The following CPED1 variants were observed in gnomAD, a reference collection of about 807,000 sequenced individuals.
The protein encoded by CPED1 is cadherin-like and PC-esterase domain-containing protein 1.
CPED1 carries 114 observed loss-of-function variants against 128.2 expected under a neutral mutation model. The observed-to-expected ratio is 0.89, with a 90% CI of 0.76 to 1.04. The LOEUF is 1.04. Ranked by LOEUF, CPED1 falls within the 50% of genes least tolerant of loss-of-function variation. CPED1 has a pLI of 0.00. For missense variants in CPED1, 1,211 were observed against 1,207.1 expected, an observed-to-expected ratio of 1.00 and a Z score of -0.05; for synonymous variants, 462 against 426.7, an observed-to-expected ratio of 1.08 and a Z score of -1.02.
At chr7:121,197,789 T>C (rs960651929) in intron 16 of CPED1, among the ~76,000 whole-genome samples, 5 of 152,094 alleles carry the variant, frequency 3.3e-5, no homozygotes, top group African/African-American at 1.2e-4. Context: ...AGGAGCTGGA[T>C]GTGCAGAGAT....
intron 11 of CPED1, 127 bp downstream of exon 11, chr7:121,128,613 A>G: frequency 5.0e-6 from 3 of 598,664 alleles, no homozygotes; most frequent in African/African-American, 1.9e-5. Flanking sequence ...TTTATAAGCT[A>G]CTTTGCTCTT....
At chr7:121,162,167 A>C (rs1721485972) in intron 16 of CPED1, among the ~76,000 whole-genome samples, 1 of 152,230 alleles carries the variant, frequency 6.6e-6, no homozygotes, top group Non-Finnish European at 1.5e-5. Flanking sequence ...GGCCAAGTGT[A>C]GGCAATAGGA....
chr7:121,188,434 CTT>C (rs1797054953), intron 16 of CPED1, among the ~76,000 whole-genome samples: 1 of 152,116 alleles, frequency 6.6e-6, no homozygotes, highest in Non-Finnish European at 1.5e-5. Flanking sequence ...AAATTACACT[CTT>C]TATTTTAAAA....
At chr7:121,003,635 G>C (rs1178662052) in intron 2 of CPED1, among the ~76,000 whole-genome samples, 1 of 152,024 alleles carries the variant, frequency 6.6e-6, no homozygotes, top group Non-Finnish European at 1.5e-5. Flanking sequence ...AATATGTGAG[G>C]TTTTGTTATG....
chr7:121,275,321 AC>A (rs1792309105), intron 22 of CPED1, among the ~76,000 whole-genome samples: 1 of 152,050 alleles, frequency 6.6e-6, no homozygotes, highest in Non-Finnish European at 1.5e-5. Context: ...ATTTTGACTA[AC>A]ATGTTCCTGC....
intron 16 of CPED1, among the ~76,000 whole-genome samples, chr7:121,229,547 A>G (rs1798091395): frequency 6.6e-6 from 1 of 152,018 alleles, no homozygotes; most frequent in Admixed American, 6.6e-5. Context: ...AACCATTAGA[A>G]ATCTCAAAAT....
chr7:121,023,657 A>G (rs1366829561), intron 3 of CPED1, among the ~76,000 whole-genome samples: 1 of 152,176 alleles, frequency 6.6e-6, no homozygotes, highest in Non-Finnish European at 1.5e-5. Flanking sequence ...GGAAGAGGTG[A>G]GAAACACCAG....
At chr7:121,218,092 C>G (rs1393432741) in intron 16 of CPED1, among the ~76,000 whole-genome samples, 1 of 151,066 alleles carries the variant, frequency 6.6e-6, no homozygotes, top group Non-Finnish European at 1.5e-5. Context: ...TCAGATGATT[C>G]TCCTGCCTCA....
At chr7:121,107,070 G>A (rs1340580828) in intron 7 of CPED1, among the ~76,000 whole-genome samples, 11 of 152,210 alleles carry the variant, frequency 7.2e-5, no homozygotes, top group Non-Finnish European at 1.2e-4. Flanking sequence ...GATGTTCGAA[G>A]ACAGAACAGC....
At chr7:121,166,874 G>A (rs1275024675) in intron 16 of CPED1, among the ~76,000 whole-genome samples, 2 of 152,076 alleles carry the variant, frequency 1.3e-5, no homozygotes, top group African/African-American at 2.4e-5. Flanking sequence ...GTTGTGCTGA[G>A]GATCATGATC....
intron 16 of CPED1, among the ~76,000 whole-genome samples, chr7:121,144,065 G>A (rs998877077): frequency 6.6e-6 from 1 of 152,030 alleles, no homozygotes; most frequent in Non-Finnish European, 1.5e-5. Context: ...GTGGAGAAAA[G>A]AGAACCCTTG....
intron 22 of CPED1, among the ~76,000 whole-genome samples, chr7:121,294,566 ACC>A (rs1377499629): frequency 6.6e-6 from 1 of 152,122 alleles, no homozygotes; most frequent in Admixed American, 6.5e-5. Flanking sequence ...CACCATTATA[ACC>A]CCAGACCCAG....
At chr7:121,209,874 C>A (rs1156549512) in intron 16 of CPED1, among the ~76,000 whole-genome samples, 1 of 151,848 alleles carries the variant, frequency 6.6e-6, no homozygotes, top group Non-Finnish European at 1.5e-5. Flanking sequence ...AATTAATAAC[C>A]AGAACACATA....
At position 121,154,676 on chromosome 7, in the gene CPED1, GC is replaced by G. The variant is rs1276860312; in HGVS notation, c.2055+12536del. 2.0e-5 allele frequency among the ~76,000 whole-genome samples: 3 copies of G among 152,038 alleles called. No individual in the cohort carries two copies. The East Asian group carries it at 5.8e-4, about 29-fold the overall frequency. ...TTCTCCTGCCTCAGCCTCCTGAGTA[GC>G]TGGGATTATAGGCATGCGCCAGCAC... On this transcript the variant is annotated intron_variant, in intron 16 of 22. Coordinates refer to ENST00000310396, the MANE Select transcript of CPED1 (RefSeq NM_024913.5).
At chr7:121,264,010 G>T (rs554648481) in intron 18 of CPED1, among the ~76,000 whole-genome samples, 1 of 151,994 alleles carries the variant, frequency 6.6e-6, no homozygotes, top group Non-Finnish European at 1.5e-5. Flanking sequence ...AGCTGATTAA[G>T]GTAAAATGTC....
chr7:121,259,003 C>G (rs545169636), intron 18 of CPED1, among the ~76,000 whole-genome samples: 24 of 152,062 alleles, frequency 1.6e-4, no homozygotes, highest in Non-Finnish European at 2.9e-4. Context: ...GCATTGAGAA[C>G]TATTAGAAAG....
intron 7 of CPED1, among the ~76,000 whole-genome samples, chr7:121,122,857 A>G (rs752638200): frequency 1.3e-5 from 2 of 152,204 alleles, no homozygotes; most frequent in African/African-American, 2.4e-5. Flanking sequence ...CCTCATGGAG[A>G]TAAAATCTTA....
intron 22 of CPED1, among the ~76,000 whole-genome samples, chr7:121,293,772 C>T (rs1331068526): frequency 6.6e-6 from 1 of 152,016 alleles, no homozygotes; most frequent in Admixed American, 6.6e-5. Context: ...AGTTCCCTAA[C>T]CCCTTGTGCT....
intron 7 of CPED1, among the ~76,000 whole-genome samples, chr7:121,118,825 G>A (rs1279027484): frequency 1.3e-5 from 2 of 152,052 alleles, no homozygotes; most frequent in Non-Finnish European, 2.9e-5. Flanking sequence ...AGTAGCAAGA[G>A]GGGATGGCCG....
Sources: gnomAD v4.1 joint callset for allele counts (sites outside exome capture counted in the v4.1 genomes callset) on GRCh38, gnomAD v4.1.1 for gene constraint, MANE v1.5 for transcripts, NCBI Gene and HGNC (gene_info 2026-07-23, HGNC 2026-07-21) for gene names.